PLPPR5: variants seen among roughly 807,000 people sequenced by gnomAD.
PLPPR5 encodes the protein phospholipid phosphatase related 5.
In PLPPR5, 16 loss-of-function variants were observed where a neutral mutation model predicts 33.9. The observed-to-expected ratio is 0.47, with a 90% CI of 0.32 to 0.72. The LOEUF (loss-of-function observed/expected upper bound fraction) is 0.72, where lower values mean the gene tolerates loss of function less well. PLPPR5 is among the 30% of genes least tolerant of loss of function. The pLI is 0.03. For missense variants in PLPPR5, 301 were observed against 406.7 expected (o/e 0.74, Z 2.23); for synonymous variants, 163 against 150.3 (o/e 1.08, Z -0.62).
intron 1 of PLPPR5, among the ~76,000 whole-genome samples, chr1:98,965,927 G>GT (rs1299710384): frequency 1.3e-5 from 2 of 152,202 alleles, no homozygotes; most frequent in African/African-American, 2.4e-5. Context: ...CTTCAGAGAT[G>GT]TGTGAAATAA....
At chr1:98,928,550 T>TATATATATA (rs1292529517) in intron 3 of PLPPR5, among the ~76,000 whole-genome samples, 3 of 124,516 alleles carry the variant, frequency 2.4e-5, no homozygotes, top group African/African-American at 8.6e-5. Flanking sequence ...TTTTAAATCA[T>TATATATATA]ATATATATAT....
At position 98,891,340 on chromosome 1, in the gene PLPPR5, T is replaced by A. The variant is rs1232987467; in HGVS notation, c.*1732A>T. The A allele has an allele frequency of 2.0e-5, 3 of 152,122 alleles. No individual in the cohort carries two copies. The East Asian group carries it at 5.8e-4, about 29-fold the overall frequency. 9.4% of individuals were successfully genotyped at this position (152,122 alleles called of 1,614,324 possible). On this transcript the variant is annotated 3_prime_UTR_variant, in exon 6 of 6. Coordinates refer to ENST00000263177, the MANE Select transcript of PLPPR5 (RefSeq NM_001037317.2). ...CTTTGGTTATATTTATTTGCTGATCTCTGTTGAAATTACAGAGGAAATTAA... is the reference window on the plus strand; with the variant it reads ...CTTTGGTTATATTTATTTGCTGATCACTGTTGAAATTACAGAGGAAATTAA...
chr1:98,904,734 C>T (rs992698075), intron 5 of PLPPR5, among the ~76,000 whole-genome samples: 1 of 152,000 alleles, frequency 6.6e-6, no homozygotes, highest in African/African-American at 2.4e-5. Flanking sequence ...TGCAGTCTGA[C>T]CTATGAGGAT....
rs533081102 is a variant in PLPPR5 at position 98,965,926 on chromosome 1, T to C, written c.238-9185A>G. 3.9e-5 allele frequency among the ~76,000 whole-genome samples: 6 copies of C among 152,290 alleles called. No homozygotes were observed. In the East Asian group the frequency reaches 5.8e-4, roughly 15 times the overall value. ...GCATGTGTTTCACATCCTTCAGAGATGTGTGAAATAATATCCAAAAAGCAA... is the reference window on the plus strand; with the variant it reads ...GCATGTGTTTCACATCCTTCAGAGACGTGTGAAATAATATCCAAAAAGCAA... On this transcript the variant is annotated intron_variant, in intron 1 of 5. Transcript: ENST00000263177.
intron 1 of PLPPR5, among the ~76,000 whole-genome samples, chr1:98,968,462 A>C (rs1570742474): frequency 6.6e-6 from 1 of 152,248 alleles, no homozygotes; most frequent in Non-Finnish European, 1.5e-5. Flanking sequence ...TGGGACTTAA[A>C]GATGATGGAG....
At position 98,987,808 on chromosome 1, in the gene PLPPR5, C is replaced by CT. The variant is rs202107870; in HGVS notation, c.237+16626dup. On this transcript the variant is annotated intron_variant, in intron 1 of 5. Transcript: ENST00000263177. The stretch of plus-strand genomic sequence containing the variant: ...CTAATAAAGAATTATGCATTTTACA[C>CT]TTTTTTTTAACATTGCTGATTCTTT... Among the ~76,000 whole-genome samples, 909 of 151,816 alleles carry CT rather than the reference C, an allele frequency of 6.0e-3. 7 individuals carry two copies. The highest frequency in any genetic ancestry group is 7.8e-3 in the Admixed American group (118 of 15,216).
At chr1:98,974,221 G>A (rs1002859652) in intron 1 of PLPPR5, among the ~76,000 whole-genome samples, 2 of 151,954 alleles carry the variant, frequency 1.3e-5, no homozygotes, top group Admixed American at 1.3e-4. Flanking sequence ...AAACCAGAGG[G>A]GACAGACTTT....
intron 3 of PLPPR5, among the ~76,000 whole-genome samples, chr1:98,933,186 G>C (rs1377748532): frequency 6.7e-6 from 1 of 148,812 alleles, no homozygotes; most frequent in African/African-American, 2.5e-5. Context: ...GCATAGAGAG[G>C]GCTTTTTAAA....
intron 3 of PLPPR5, among the ~76,000 whole-genome samples, chr1:98,941,022 G>A (rs1347122109): frequency 6.6e-6 from 1 of 151,818 alleles, no homozygotes; most frequent in African/African-American, 2.4e-5. Flanking sequence ...ATATGTTCAA[G>A]TTAGGCGTAA....
chr1:98,918,676 T>C (rs142829967), intron 4 of PLPPR5, among the ~76,000 whole-genome samples: 6 of 152,124 alleles, frequency 3.9e-5, no homozygotes, highest in Non-Finnish European at 8.8e-5. Flanking sequence ...CCTGGGGAAA[T>C]TGGATCTTGT....
intron 1 of PLPPR5, among the ~76,000 whole-genome samples, chr1:98,969,998 C>CA (rs1651604146): frequency 6.6e-6 from 1 of 152,048 alleles, no homozygotes; most frequent in South Asian, 2.1e-4. Context: ...ATTCATCATA[C>CA]AGATCATTCC....
At chr1:98,904,849 T>C (rs758257822) in intron 5 of PLPPR5, among the ~76,000 whole-genome samples, 1 of 152,158 alleles carries the variant, frequency 6.6e-6, no homozygotes, top group African/African-American at 2.4e-5. Flanking sequence ...CAGCATATAC[T>C]ATGGGTAGGG....
intron 1 of PLPPR5, among the ~76,000 whole-genome samples, chr1:98,959,901 C>G (rs1333901294): frequency 6.6e-6 from 1 of 152,114 alleles, no homozygotes; most frequent in East Asian, 1.9e-4. Context: ...ATGTCAAATG[C>G]CTGTCCATCA....
In PLPPR5 at chr1:98,914,814, C is replaced by G. The variant is rs139357152; in HGVS notation, c.905G>C (p.Ser302Thr). Residue 302 changes from serine (S) to threonine (T), a missense_variant, in exon 5 of 6, where the codon AGT (serine) becomes ACT (threonine). Physicochemically the swap from Ser to Thr is moderately conservative, Grantham distance 58. Coordinates refer to ENST00000263177, the MANE Select transcript of PLPPR5 (RefSeq NM_001037317.2). ...TACAGATGTTACCTTTTCCAAAGGACTTTCTACTCGAGGAATGCTGATCAT... is the reference window on the plus strand; with the variant it reads ...TACAGATGTTACCTTTTCCAAAGGAGTTTCTACTCGAGGAATGCTGATCAT... The part of the protein sequence containing the change: ...MPMISIPRVE[S>T]PLEKVTSVQN... 5.6e-6 allele frequency: 9 copies of G among 1,612,902 alleles called. No homozygotes were observed. In the African/African-American group the frequency reaches 9.4e-5, roughly 17 times the overall value.
chr1:98,964,759 A>C (rs1208650956), intron 1 of PLPPR5, among the ~76,000 whole-genome samples: 1 of 152,170 alleles, frequency 6.6e-6, no homozygotes, highest in African/African-American at 2.4e-5. Flanking sequence ...ATGTGATGAG[A>C]TGCCCACCAA....
intron 5 of PLPPR5, among the ~76,000 whole-genome samples, chr1:98,898,810 T>C (rs371457109): frequency 1.6e-4 from 24 of 152,248 alleles, no homozygotes; most frequent in African/African-American, 5.3e-4. Context: ...TTATATTGGT[T>C]CAGAGTTTTG....
At chr1:98,939,409 C>T (rs1557676825) in intron 3 of PLPPR5, among the ~76,000 whole-genome samples, 1 of 151,684 alleles carries the variant, frequency 6.6e-6, no homozygotes, top group Non-Finnish European at 1.5e-5. Context: ...GGGGACCAGC[C>T]TTAATCCAGG....
intron 1 of PLPPR5, among the ~76,000 whole-genome samples, chr1:98,962,024 A>C (rs1448549214): frequency 6.6e-6 from 1 of 152,204 alleles, no homozygotes; most frequent in Non-Finnish European, 1.5e-5. Flanking sequence ...CAGCCTTTAC[A>C]TCCAAAATAA....
At position 99,003,056 on chromosome 1, in the gene PLPPR5, C is replaced by CATATATAT. The variant is rs59686592; in HGVS notation, c.237+1371_237+1378dup. ...TAACACATTTTAGCAACTTATTTTA[C>CATATATAT]ATATATATATATATATATATATATA... On this transcript the variant is annotated intron_variant, in intron 1 of 5. Transcript: ENST00000263177. 3.2e-3 allele frequency among the ~76,000 whole-genome samples: 263 copies of CATATATAT among 81,102 alleles called. 8 individuals are homozygous for CATATATAT. The highest frequency in any genetic ancestry group is 7.4e-3 in the East Asian group (15 of 2,034). 53.2% of individuals were successfully genotyped at this position (81,102 alleles called of 152,430 possible).
Sources: allele counts gnomAD v4.1 joint callset (sites outside exome capture counted in the v4.1 genomes callset), GRCh38; gene constraint gnomAD v4.1.1; transcripts MANE v1.5; gene names NCBI Gene and HGNC (gene_info 2026-07-23, HGNC 2026-07-21).